Variants in SORCS3 observed in about 807,000 individuals in gnomAD.
The protein encoded by SORCS3 is VPS10 domain-containing receptor SorCS3.
SORCS3 carries 57 observed loss-of-function variants against 146.3 expected under a neutral mutation model. That is an observed-to-expected ratio of 0.39 (90% confidence interval 0.31 to 0.49). SORCS3 has a LOEUF of 0.49. SORCS3 is among the 20% of genes least tolerant of loss of function. The probability of loss-of-function intolerance (pLI) is 0.92; values close to 1 mark genes in which losing one functional copy is unlikely to be tolerated. For missense variants in SORCS3, 1,341 were observed against 1,575.5 expected, an observed-to-expected ratio of 0.85 and a Z score of 2.52; for synonymous variants, 653 against 618.5, an observed-to-expected ratio of 1.06 and a Z score of -0.83.
At chr10:104,973,741 T>C (rs2054876313) in intron 3 of SORCS3, among the ~76,000 whole-genome samples, 1 of 148,364 alleles carries the variant, frequency 6.7e-6, no homozygotes, top group African/African-American at 2.6e-5. Flanking sequence ...CTGCTAGCTT[T>C]TGAATATGTT....
intron 1 of SORCS3, among the ~76,000 whole-genome samples, chr10:104,696,613 T>TATATATTATATACGTATATATTATATATA (rs2016209345): frequency 1.1e-5 from 1 of 92,366 alleles, no homozygotes; most frequent in African/African-American, 4.5e-5. Context: ...TTATATATAA[T>TATATATTATATACGTATATATTATATATA]ATATATTATA....
intron 1 of SORCS3, among the ~76,000 whole-genome samples, chr10:104,762,906 C>G (rs915039775): frequency 3.3e-5 from 5 of 152,142 alleles, no homozygotes; most frequent in African/African-American, 1.2e-4. Context: ...TAGACAAATA[C>G]ACCTGGGAGT....
intron 2 of SORCS3, among the ~76,000 whole-genome samples, chr10:104,910,142 G>A (rs2018951955): frequency 6.6e-6 from 1 of 152,196 alleles, no homozygotes; most frequent in Non-Finnish European, 1.5e-5. Flanking sequence ...TGTCCAGTCT[G>A]CCAGTCAGCA....
intron 1 of SORCS3, among the ~76,000 whole-genome samples, chr10:104,727,736 G>A (rs924739419): frequency 6.6e-6 from 1 of 152,102 alleles, no homozygotes; most frequent in African/African-American, 2.4e-5. Context: ...CAGGAGGTAG[G>A]TGAGCGGTGT....
rs563817921 is a variant in SORCS3, at chr10:105,245,127, T to C, written c.2869-415T>C. Among the ~76,000 whole-genome samples the C allele has an allele frequency of 3.3e-4, 50 of 150,110 alleles. 1 individual carries two copies. The South Asian group carries it at 9.7e-3, about 29-fold the overall frequency. Reference sequence around the variant, plus strand: ...TGGGTAATACAGAAGTAAATAACTATGTGATCACTTCTCAGAAAGGTCTCA... The same window carrying C: ...TGGGTAATACAGAAGTAAATAACTACGTGATCACTTCTCAGAAAGGTCTCA... On this transcript the variant is annotated intron_variant, in intron 20 of 26. Transcript: ENST00000369701.
chr10:104,866,967 C>A (rs1336063457), intron 2 of SORCS3, among the ~76,000 whole-genome samples: 1 of 152,132 alleles, frequency 6.6e-6, no homozygotes, highest in Non-Finnish European at 1.5e-5. Flanking sequence ...GCTCTCACAT[C>A]CTTGTTTTAT....
chr10:104,858,843 G>A (rs1004854614), intron 2 of SORCS3, among the ~76,000 whole-genome samples: 1 of 150,404 alleles, frequency 6.6e-6, no homozygotes, highest in Admixed American at 6.7e-5. Context: ...GGATGGTCTT[G>A]ATCTCCTGAC....
intron 6 of SORCS3, among the ~76,000 whole-genome samples, chr10:105,095,099 C>G (rs1410331399): frequency 2.0e-5 from 3 of 152,146 alleles, no homozygotes; most frequent in African/African-American, 7.2e-5. Flanking sequence ...ACCTTCCGTT[C>G]TACCTGCCTC....
At chr10:105,070,263 T>C (rs1260999085) in intron 5 of SORCS3, among the ~76,000 whole-genome samples, 1 of 152,188 alleles carries the variant, frequency 6.6e-6, no homozygotes, top group Non-Finnish European at 1.5e-5. Context: ...TATATCATAG[T>C]TGAGGAAACT....
chr10:104,757,806 C>G (rs1018155343), intron 1 of SORCS3, among the ~76,000 whole-genome samples: 2 of 151,972 alleles, frequency 1.3e-5, no homozygotes, highest in South Asian at 4.2e-4. Flanking sequence ...GGAGAAGTTT[C>G]ACAGCACAGG....
chr10:104,976,285 A>G (rs1325116849), intron 3 of SORCS3, among the ~76,000 whole-genome samples: 1 of 152,244 alleles, frequency 6.6e-6, no homozygotes, highest in South Asian at 2.1e-4. Context: ...GGAGACATTT[A>G]TGCAGCCAAA....
chr10:105,069,014 C>A (rs192115920), intron 5 of SORCS3, among the ~76,000 whole-genome samples: 33 of 152,274 alleles, frequency 2.2e-4, no homozygotes, highest in Admixed American at 1.2e-3. Flanking sequence ...CAGCATCTAC[C>A]ATAGATCGTT....
chr10:104,775,223 C>CT (rs1282387395), intron 1 of SORCS3, among the ~76,000 whole-genome samples: 2 of 152,192 alleles, frequency 1.3e-5, no homozygotes, highest in Non-Finnish European at 2.9e-5. Flanking sequence ...TTTAAGTTCT[C>CT]TGAGTGTTAG....
chr10:105,094,871 T>C (rs1038315725), intron 6 of SORCS3, among the ~76,000 whole-genome samples: 3 of 152,264 alleles, frequency 2.0e-5, no homozygotes, highest in Non-Finnish European at 2.9e-5. Flanking sequence ...TAAATTATAA[T>C]CTGGAAAAGA....
At chr10:105,152,795 C>G (rs1472642007) in intron 9 of SORCS3, among the ~76,000 whole-genome samples, 11 of 152,190 alleles carry the variant, frequency 7.2e-5, no homozygotes, top group Non-Finnish European at 1.6e-4. Context: ...TTATCTCTCA[C>G]AATATCACAT....
At chr10:104,742,937 C>T (rs1345900539) in intron 1 of SORCS3, among the ~76,000 whole-genome samples, 1 of 152,146 alleles carries the variant, frequency 6.6e-6, no homozygotes, top group African/African-American at 2.4e-5. Flanking sequence ...AGTTCACATT[C>T]TAGGAATGCC....
chr10:104,703,876 A>C (rs761629030), intron 1 of SORCS3, among the ~76,000 whole-genome samples: 1 of 151,946 alleles, frequency 6.6e-6, no homozygotes. Flanking sequence ...AAGGGTAAAA[A>C]TTAGAGTGTA....
At position 105,014,140 on chromosome 10, in the gene SORCS3, C is replaced by T. The variant is rs1033516397; in HGVS notation, c.955-28915C>T. Among the ~76,000 whole-genome samples, 8 of 147,176 alleles carry T rather than the reference C, an allele frequency of 5.4e-5. No individual in the cohort carries two copies. The East Asian group carries it at 9.9e-4, about 18-fold the overall frequency. ...ATATATACATATATATATATAACAA[C>T]GTAATATAAAAAAATTCGCATAGCA... On this transcript the variant is annotated intron_variant, in intron 4 of 26. Coordinates refer to ENST00000369701, the MANE Select transcript of SORCS3 (RefSeq NM_014978.3).
At chr10:105,255,104 C>T (rs2056922938) in intron 23 of SORCS3, among the ~76,000 whole-genome samples, 1 of 142,432 alleles carries the variant, frequency 7.0e-6, no homozygotes, top group African/African-American at 2.6e-5. Flanking sequence ...AGGAGAATGG[C>T]GTGAACCCGG....
Sources: allele counts gnomAD v4.1 joint callset (sites outside exome capture counted in the v4.1 genomes callset), GRCh38; gene constraint gnomAD v4.1.1; transcripts MANE v1.5; gene names NCBI Gene and HGNC (gene_info 2026-07-23, HGNC 2026-07-21).